Variants in PTPRE observed in about 807,000 individuals in gnomAD.
PTPRE encodes the protein protein tyrosine phosphatase receptor type E, also known as receptor-type tyrosine-protein phosphatase epsilon.
Under a neutral mutation model 102.0 loss-of-function variants are expected in PTPRE, and 51 were observed. The observed-to-expected ratio is 0.50, with a 90% CI of 0.40 to 0.63. The LOEUF (loss-of-function observed/expected upper bound fraction) is 0.63. Ranked by LOEUF, PTPRE falls within the 30% of genes least tolerant of loss-of-function variation. PTPRE has a pLI of 0.00. For missense variants in PTPRE, 752 were observed against 915.1 expected (o/e 0.82, Z 2.30); for synonymous variants, 345 against 348.2 (o/e 0.99, Z 0.10).
intron 3 of PTPRE, among the ~76,000 whole-genome samples, chr10:128,047,031 C>T (rs561611006): frequency 4.6e-5 from 7 of 152,322 alleles, no homozygotes; most frequent in East Asian, 3.9e-4. Context: ...CAGCCTCCCG[C>T]GCTGTCCTAG....
chr10:128,010,838 G>A (rs1178336059), intron 2 of PTPRE, among the ~76,000 whole-genome samples: 1 of 152,042 alleles, frequency 6.6e-6, no homozygotes, highest in Non-Finnish European at 1.5e-5. Flanking sequence ...TGATCCACCT[G>A]CCTCGGCCTC....
At chr10:128,069,028 G>A (rs1850527902) in intron 12 of PTPRE, 1 of 152,346 alleles carries the variant, frequency 6.6e-6, no homozygotes, top group Admixed American at 6.5e-5. Flanking sequence ...CACTGCCAGG[G>A]ACAAAAGCCA....
intron 3 of PTPRE, 60 bp downstream of exon 3, chr10:128,041,050 T>C (rs759973150): frequency 5.5e-5 from 79 of 1,427,124 alleles, no homozygotes; most frequent in South Asian, 2.1e-4. Flanking sequence ...CCTGGGACCA[T>C]TCAGAGGGTG....
intron 17 of PTPRE, among the ~76,000 whole-genome samples, chr10:128,075,666 T>A (rs988437866): frequency 1.3e-5 from 2 of 152,264 alleles, no homozygotes; most frequent in African/African-American, 4.8e-5. Flanking sequence ...ATATCATTCA[T>A]CTACATACCT....
chr10:128,031,006 C>T (rs1846707901), intron 2 of PTPRE, among the ~76,000 whole-genome samples: 1 of 152,204 alleles, frequency 6.6e-6, no homozygotes, highest in Admixed American at 6.5e-5. Context: ...GAATCGCAAG[C>T]TTTGGAAGTG....
At chr10:128,072,080 TAA>T in intron 15 of PTPRE, 56 bp from the exon 16 acceptor site, 1 of 1,472,136 alleles carries the variant, frequency 6.8e-7, no homozygotes, top group Non-Finnish European at 9.4e-7. Flanking sequence ...AGCAATGGAT[TAA>T]AGTTAGCAAG....
At chr10:127,927,602 C>T (rs1015130216) in intron 1 of PTPRE, among the ~76,000 whole-genome samples, 5 of 152,214 alleles carry the variant, frequency 3.3e-5, no homozygotes, top group Non-Finnish European at 7.3e-5. Context: ...CAGACCTGAA[C>T]AGTCCCCCTC....
chr10:128,031,330 C>T (rs1350531372), intron 2 of PTPRE, among the ~76,000 whole-genome samples: 1 of 152,162 alleles, frequency 6.6e-6, no homozygotes, highest in East Asian at 1.9e-4. Context: ...TCAGCCACAC[C>T]CCTGAGCGGA....
chr10:128,016,412 G>A (rs116252870), intron 2 of PTPRE, among the ~76,000 whole-genome samples: 2,299 of 151,996 alleles, frequency 0.015, 62 homozygotes, highest in African/African-American at 0.051. Context: ...AGCCATCCAT[G>A]TGGTGAGAAC....
intron 6 of PTPRE, 151 bp from the exon 7 acceptor site, chr10:128,055,972 C>T (rs1455255853): frequency 1.6e-6 from 1 of 631,182 alleles, no homozygotes; most frequent in East Asian, 2.7e-5. Context: ...CTGCCCCATG[C>T]CTGGTGCAAG....
At chr10:128,025,471 T>G (rs944565760) in intron 2 of PTPRE, among the ~76,000 whole-genome samples, 6 of 152,178 alleles carry the variant, frequency 3.9e-5, no homozygotes, top group African/African-American at 1.4e-4. Context: ...GCGATAGATT[T>G]TATTGCCCCA....
At chr10:128,039,731 G>A (rs1373339782) in intron 2 of PTPRE, among the ~76,000 whole-genome samples, 5 of 152,010 alleles carry the variant, frequency 3.3e-5, no homozygotes, top group African/African-American at 4.8e-5. Flanking sequence ...GGAGGCCTCA[G>A]GCAGGAGGGC....
intron 17 of PTPRE, 93 bp from the exon 18 acceptor site, chr10:128,076,510 A>G (rs1590243675): frequency 7.7e-7 from 1 of 1,297,392 alleles, no homozygotes; most frequent in Non-Finnish European, 1.0e-6. Context: ...GAAATACATT[A>G]ACTGGTTTGA....
At chr10:127,964,166 GTTTA>G (rs1019373890) in intron 1 of PTPRE, among the ~76,000 whole-genome samples, 1 of 151,896 alleles carries the variant, frequency 6.6e-6, no homozygotes, top group African/African-American at 2.4e-5. Flanking sequence ...TTTATTTATT[GTTTA>G]TTTATTTATT....
chr10:127,999,274 A>G (rs1266646178), intron 2 of PTPRE: 1 of 152,370 alleles, frequency 6.6e-6, no homozygotes, highest in Non-Finnish European at 1.5e-5. Context: ...AAAGGCACTA[A>G]CCATACATGT....
intron 2 of PTPRE, among the ~76,000 whole-genome samples, chr10:128,010,549 T>TTCTTC (rs1844900299): frequency 7.8e-6 from 1 of 128,536 alleles, no homozygotes; most frequent in Admixed American, 7.6e-5. Flanking sequence ...CCTGTTCCTT[T>TTCTTC]TCTTTTCTTT....
intron 1 of PTPRE, among the ~76,000 whole-genome samples, chr10:127,916,400 C>G (rs1027206709): frequency 6.6e-6 from 1 of 152,154 alleles, no homozygotes; most frequent in Non-Finnish European, 1.5e-5. Context: ...GAAGAAGGTG[C>G]CTTGCTTCCC....
intron 2 of PTPRE, among the ~76,000 whole-genome samples, chr10:127,986,995 C>G (rs190562258): frequency 6.6e-6 from 1 of 152,196 alleles, no homozygotes; most frequent in African/African-American, 2.4e-5. Flanking sequence ...CAAGCCACAG[C>G]GACAAATTAT....
chr10:128,052,251 C>T (rs1848617601), intron 6 of PTPRE, among the ~76,000 whole-genome samples: 1 of 152,176 alleles, frequency 6.6e-6, no homozygotes. Flanking sequence ...GATCTGAGCT[C>T]CTCTCCCCAA....
Sources: gnomAD v4.1 joint callset for allele counts (sites outside exome capture counted in the v4.1 genomes callset) on GRCh38, gnomAD v4.1.1 for gene constraint, MANE v1.5 for transcripts, NCBI Gene and HGNC (gene_info 2026-07-23, HGNC 2026-07-21) for gene names.